THEMIS: variants seen among roughly 807,000 people sequenced by gnomAD.
The protein encoded by THEMIS is protein THEMIS.
THEMIS carries 37 observed loss-of-function variants against 52.6 expected under a neutral mutation model. The ratio of observed to expected loss-of-function variants is 0.70; its 90% confidence interval spans 0.54 to 0.93. The LOEUF (loss-of-function observed/expected upper bound fraction) is 0.93. THEMIS is among the 40% of genes least tolerant of loss of function. THEMIS has a pLI of 0.00. For synonymous variants in THEMIS, 292 were observed against 272.7 expected, an observed-to-expected ratio of 1.07 and a Z score of -0.70; for missense variants, 808 against 763.1, an observed-to-expected ratio of 1.06 and a Z score of -0.69.
At chr6:127,717,198 C>A (rs138601987) in intron 5 of THEMIS, among the ~76,000 whole-genome samples, 14 of 125,792 alleles carry the variant, frequency 1.1e-4, no homozygotes, top group African/African-American at 3.6e-4. Context: ...CTAATATAAT[C>A]TTCAAAAAAA....
chr6:127,758,497 T>C (rs1775910996), intron 4 of THEMIS, among the ~76,000 whole-genome samples: 1 of 149,276 alleles, frequency 6.7e-6, no homozygotes, highest in Non-Finnish European at 1.5e-5. Context: ...TAATGCCTCA[T>C]AGGTGCCCAA....
intron 4 of THEMIS, among the ~76,000 whole-genome samples, chr6:127,775,950 T>A (rs1459879521): frequency 1.3e-5 from 2 of 152,208 alleles, no homozygotes; most frequent in African/African-American, 2.4e-5. Flanking sequence ...GGCACTTTTG[T>A]TTTCATTTTC....
intron 2 of THEMIS, among the ~76,000 whole-genome samples, chr6:127,846,013 T>C (rs914840643): frequency 2.0e-5 from 3 of 151,950 alleles, no homozygotes; most frequent in African/African-American, 7.2e-5. Context: ...TTCAATTACC[T>C]GACTGAGTGT....
chr6:127,918,443 C>A (rs943573028), exon 1 of THEMIS: 1 of 152,110 alleles, frequency 6.6e-6, no homozygotes, highest in Non-Finnish European at 1.5e-5. Flanking sequence ...ATCAGAGAGG[C>A]TGATGTTAAT....
chr6:127,827,196 A>G (rs952907127), intron 3 of THEMIS, among the ~76,000 whole-genome samples: 1 of 152,186 alleles, frequency 6.6e-6, no homozygotes, highest in African/African-American at 2.4e-5. Context: ...AGAATCATGT[A>G]AAACAACCAC....
intron 4 of THEMIS, among the ~76,000 whole-genome samples, chr6:127,776,065 T>G (rs1021004516): frequency 1.3e-5 from 2 of 152,244 alleles, no homozygotes; most frequent in Non-Finnish European, 2.9e-5. Flanking sequence ...ATTGAACAAA[T>G]GCCAAATAAC....
chr6:127,835,107 T>A (rs1425369014), intron 2 of THEMIS, among the ~76,000 whole-genome samples: 1 of 152,012 alleles, frequency 6.6e-6, no homozygotes, highest in Non-Finnish European at 1.5e-5. Flanking sequence ...AGAAGACACA[T>A]AGAGGTATCA....
chr6:127,783,689 C>T (rs1223976649), intron 4 of THEMIS, among the ~76,000 whole-genome samples: 1 of 152,114 alleles, frequency 6.6e-6, no homozygotes, highest in Non-Finnish European at 1.5e-5. Context: ...CAATGACATA[C>T]CATCTCACAC....
At chr6:127,730,356 A>G (rs576430355) in intron 4 of THEMIS, among the ~76,000 whole-genome samples, 71 of 136,336 alleles carry the variant, frequency 5.2e-4, no homozygotes, top group African/African-American at 1.7e-3. Flanking sequence ...GAAGAGAAGA[A>G]AAGAGAAGAC....
chr6:127,806,680 T>A (rs1334327086), intron 4 of THEMIS, among the ~76,000 whole-genome samples: 1 of 152,214 alleles, frequency 6.6e-6, no homozygotes, highest in East Asian at 1.9e-4. Flanking sequence ...TTTAACCAAT[T>A]CCTTTTCATT....
intron 1 of THEMIS, among the ~76,000 whole-genome samples, chr6:127,888,108 A>C (rs2114458484): frequency 6.6e-6 from 1 of 152,244 alleles, no homozygotes; most frequent in East Asian, 1.9e-4. Flanking sequence ...GTGTGAACAA[A>C]GCTTTAAGGC....
intron 1 of THEMIS, among the ~76,000 whole-genome samples, chr6:127,861,541 T>C (rs1779795346): frequency 6.6e-6 from 1 of 152,028 alleles, no homozygotes; most frequent in Non-Finnish European, 1.5e-5. Context: ...CCCAGCACTT[T>C]GGGAGGCCAA....
intron 4 of THEMIS, among the ~76,000 whole-genome samples, chr6:127,730,339 A>AAGAAAAGAAG (rs1774740427): frequency 2.0e-5 from 3 of 150,426 alleles, no homozygotes; most frequent in Non-Finnish European, 3.0e-5. Context: ...AAGAAAAGAA[A>AAGAAAAGAAG]AGAAGAGAAG....
intron 2 of THEMIS, among the ~76,000 whole-genome samples, chr6:127,844,836 C>A (rs1335949169): frequency 3.3e-5 from 5 of 151,932 alleles, no homozygotes; most frequent in Admixed American, 6.6e-5. Context: ...GCAAGATTGG[C>A]ATGTTTTCTA....
At chr6:127,782,869 A>G (rs535987809) in intron 4 of THEMIS, among the ~76,000 whole-genome samples, 1 of 152,192 alleles carries the variant, frequency 6.6e-6, no homozygotes, top group African/African-American at 2.4e-5. Context: ...GATTTTCTTC[A>G]CAGAATTAGA....
chr6:127,737,227 G>A (rs1316210070), intron 4 of THEMIS, among the ~76,000 whole-genome samples: 1 of 152,182 alleles, frequency 6.6e-6, no homozygotes, highest in Non-Finnish European at 1.5e-5. Context: ...TGGGAAATCT[G>A]CCAGGATTTC....
chr6:127,895,288 G>A (rs1780930054), intron 1 of THEMIS, among the ~76,000 whole-genome samples: 1 of 151,282 alleles, frequency 6.6e-6, no homozygotes, highest in African/African-American at 2.4e-5. Flanking sequence ...ACTATTGCTT[G>A]ATATAATACT....
the THEMIS span, among the ~76,000 whole-genome samples, chr6:127,701,604 G>A: frequency 2.6e-5 from 4 of 152,058 alleles, no homozygotes; most frequent in African/African-American, 9.7e-5. Context: ...TTAGCTTTAG[G>A]AGACAGTGCC....
chr6:127,850,378 A>G (rs1373943685), intron 2 of THEMIS, among the ~76,000 whole-genome samples: 4 of 151,816 alleles, frequency 2.6e-5, no homozygotes, highest in South Asian at 4.1e-4. Flanking sequence ...TGGCAATTCC[A>G]TTACTGCATA....
Sources: gnomAD v4.1 joint callset for allele counts (sites outside exome capture counted in the v4.1 genomes callset) on GRCh38, gnomAD v4.1.1 for gene constraint, MANE v1.5 for transcripts, NCBI Gene and HGNC (gene_info 2026-07-23, HGNC 2026-07-21) for gene names.